LCN2: variants seen among roughly 807,000 people sequenced by gnomAD.
LCN2 encodes the protein lipocalin 2, also known as neutrophil gelatinase-associated lipocalin.
LCN2 carries 27 observed loss-of-function variants against 26.4 expected under a neutral mutation model. That is an observed-to-expected ratio of 1.02 (90% CI 0.76 to 1.41). The LOEUF is 1.41. LCN2 is among the 40% of genes most tolerant of loss of function. The pLI is 0.00. For synonymous variants in LCN2, 94 were observed against 98.9 expected (o/e 0.95, Z 0.30); for missense variants, 224 against 237.6 (o/e 0.94, Z 0.38).
chr9:128,150,890 G>C (rs1303954303), intron 2 of LCN2, among the ~76,000 whole-genome samples: 1 of 152,260 alleles, frequency 6.6e-6, no homozygotes, highest in African/African-American at 2.4e-5. Context: ...ATCTGCTGCG[G>C]AGTGGCTTAG....
At chr9:128,152,981 T>C in intron 5 of LCN2, 119 bp from the exon 6 acceptor site, 1 of 1,420,250 alleles carries the variant, frequency 7.0e-7, no homozygotes. Context: ...CTGGGCCAGG[T>C]GGGGCAGGGG....
At chr9:128,150,941 G>T (rs1438847992) in intron 2 of LCN2, among the ~76,000 whole-genome samples, 5 of 152,326 alleles carry the variant, frequency 3.3e-5, no homozygotes, top group Admixed American at 2.6e-4. Flanking sequence ...ACTTGGTGGG[G>T]TGCAGCCTAG....
chr9:128,150,210 G>C, intron 1 of LCN2, 28 bp from the exon 2 acceptor site: 2 of 1,603,980 alleles, frequency 1.2e-6, no homozygotes, highest in Non-Finnish European at 1.7e-6. Flanking sequence ...GCCATTCCTG[G>C]GTTGTGCCTC....
Position 128,153,208 on chromosome 9 carries a change from CA to C in LCN2, c.*7+83del. On this transcript the variant is annotated intron_variant, in intron 6 of 6. Coordinates refer to ENST00000277480, the MANE Select transcript of LCN2 (RefSeq NM_005564.5). The surrounding 1 kb of genome is among the most constrained non-coding windows in gnomAD (Gnocchi z 5.4). ...TGGGGGTCTTGGGCCTGCCTTTGCT[CA>C]TCCCCCTGCCCCCCAGCACTGCTGC... 1 of 1,520,908 alleles carries C rather than the reference CA, an allele frequency of 6.6e-7. No individual in the cohort carries two copies. Among genetic ancestry groups the C allele is most frequent in the Non-Finnish European group, 9.1e-7 (1 of 1,098,252 alleles). 94.2% of individuals were successfully genotyped at this position (1,520,908 alleles called of 1,614,324 possible). A position where few individuals can be genotyped will look rare whatever the true frequency, so the allele number is the denominator to read the frequency against.
At chr9:128,152,596 C>T (rs1829145779) in intron 5 of LCN2, among the ~76,000 whole-genome samples, 1 of 152,192 alleles carries the variant, frequency 6.6e-6, no homozygotes, top group South Asian at 2.1e-4. Flanking sequence ...ACACCTCTGG[C>T]CACCCTCCCA....
chr9:128,153,028 G>A lies in LCN2; in HGVS notation c.578-72G>A. 1 of 1,608,942 alleles carries A rather than the reference G, an allele frequency of 6.2e-7. No individual in the cohort carries two copies. ...CAGTGCAGAGGACCTGGCAGTCAGG[G>A]ATCACACACACACACTCATACACGC... On this transcript the variant is annotated intron_variant, in intron 5 of 6. Coordinates refer to ENST00000277480, the MANE Select transcript of LCN2 (RefSeq NM_005564.5). This position sits in a 1 kb window ranked among gnomAD's most constrained non-coding sequence, Gnocchi z 5.4.
rs1285899411 is a variant in LCN2, at chr9:128,152,426, G to A, written c.577+142G>A. ...TGGATGGTCCAGGAGCTCCTTGGAA[G>A]CCACTCTGGGCCCAGGAAGACTGTG... is the stretch of plus-strand genomic sequence containing the variant. On this transcript the variant is annotated intron_variant, in intron 5 of 6. Transcript: ENST00000277480. The A allele has an allele frequency of 1.2e-5, 8 of 694,014 alleles. No homozygotes were observed. In the Admixed American group the frequency reaches 1.3e-4, roughly 12 times the overall value. The allele number at this position is 694,014 out of a possible 1,614,324, so 43.0% of individuals were successfully genotyped here. A position where few individuals can be genotyped will look rare whatever the true frequency, so the allele number is the denominator to read the frequency against.
chr9:128,151,377 G>A (rs1004218358), intron 2 of LCN2: 6 of 577,246 alleles, frequency 1.0e-5, no homozygotes, highest in South Asian at 4.7e-5. Context: ...GAAGGACATC[G>A]GGTGCTGGAG....
intron 1 of LCN2, among the ~76,000 whole-genome samples, 161 bp from the exon 2 acceptor site, chr9:128,150,077 C>A (rs1476903934): frequency 3.9e-5 from 6 of 152,094 alleles, no homozygotes; most frequent in Non-Finnish European, 8.8e-5. Flanking sequence ...TGGCCTCCTG[C>A]TCCTGCCCCT....
At chr9:128,151,772 G>T in intron 3 of LCN2, 55 bp downstream of exon 3, 1 of 1,592,440 alleles carries the variant, frequency 6.3e-7, no homozygotes, top group South Asian at 1.1e-5. Flanking sequence ...GCTGGGTAGG[G>T]GCACAGACCT....
chr9:128,150,488 G>T lies in LCN2; in HGVS notation c.275+114G>T, dbSNP rs773232475. On this transcript the variant is annotated intron_variant, in intron 2 of 6. Coordinates refer to ENST00000277480, the MANE Select transcript of LCN2 (RefSeq NM_005564.5). ...TCGCTGTTCTGCCCGGAATTCATCTGTGTTCATCCTTCCTCTGTTCCTTAG... is the reference window on the plus strand; with the variant it reads ...TCGCTGTTCTGCCCGGAATTCATCTTTGTTCATCCTTCCTCTGTTCCTTAG... 7 of 1,360,906 alleles carry T rather than the reference G, an allele frequency of 5.1e-6. No homozygotes were observed. The Admixed American group carries it at 1.2e-4, about 23-fold the overall frequency. 84.3% of individuals were successfully genotyped at this position (1,360,906 alleles called of 1,614,324 possible).
In LCN2 at chr9:128,153,096, A is replaced by G; in HGVS notation, c.578-4A>G. On this transcript the variant is annotated splice_polypyrimidine_tract_variant and splice_region_variant and intron_variant, in intron 5 of 6. Transcript: ENST00000277480. This position sits in a 1 kb window ranked among gnomAD's most constrained non-coding sequence, Gnocchi z 5.4. ...CCTGTTCTGACGGACTTTCTCCCTA[A>G]CAGACCAGTGTATCGACGGCTGAGT... 2 of 1,614,074 alleles carry G rather than the reference A, an allele frequency of 1.2e-6. No individual in the cohort carries two copies. The highest frequency in any genetic ancestry group is 1.1e-5 in the South Asian group (1 of 91,086).
chr9:128,151,313 G>C, intron 2 of LCN2: 1 of 562,960 alleles, frequency 1.8e-6, no homozygotes, highest in Non-Finnish European at 3.3e-6. Flanking sequence ...CAGGGTTTCT[G>C]TGTGTTGGGT....
At position 128,150,579 on chromosome 9, in the gene LCN2, G is replaced by T. The variant is rs778730066; in HGVS notation, c.275+205G>T. 4 of 728,844 alleles carry T rather than the reference G, an allele frequency of 5.5e-6. No individual in the cohort carries two copies. In the African/African-American group the frequency reaches 6.9e-5, roughly 13 times the overall value. 45.1% of individuals were successfully genotyped at this position (728,844 alleles called of 1,614,324 possible). A position where few individuals can be genotyped will look rare whatever the true frequency, so the allele number is the denominator to read the frequency against. Reference sequence around the variant, plus strand: ...GTGGTGGGGATGGACATGCACAGTCGTTAGAAAACAAGACGGAGAGAGGAG... The same window carrying T: ...GTGGTGGGGATGGACATGCACAGTCTTTAGAAAACAAGACGGAGAGAGGAG... On this transcript the variant is annotated intron_variant, in intron 2 of 6. Transcript: ENST00000277480.
rs1834982503 is a variant in LCN2 at position 128,149,466 on chromosome 9, T to A, written c.-60T>A. The A allele has an allele frequency of 6.7e-7, 1 of 1,493,494 alleles. No individual in the cohort carries two copies. Among genetic ancestry groups the A allele is most frequent in the Non-Finnish European group, 8.9e-7 (1 of 1,122,464 alleles). 92.5% of individuals were successfully genotyped at this position (1,493,494 alleles called of 1,614,324 possible). ...GGTGAGCCTCTCACTCGCCACCTCC[T>A]CTTCCACCCCTGCCAGGCCCAGCAG... is the stretch of plus-strand genomic sequence containing the variant. On this transcript the variant is annotated 5_prime_UTR_variant, in exon 1 of 7. Coordinates refer to ENST00000277480, the MANE Select transcript of LCN2 (RefSeq NM_005564.5).
intron 5 of LCN2, 106 bp downstream of exon 5, chr9:128,152,390 C>T: frequency 1.0e-6 from 1 of 983,954 alleles, no homozygotes; most frequent in South Asian, 1.4e-5. Context: ...CAGCTTCAGT[C>T]ACTGGAGCAG....
Position 128,150,378 on chromosome 9 carries a change from AG to A in LCN2, c.275+7del. On this transcript the variant is annotated splice_donor_5th_base_variant and intron_variant, in intron 2 of 6. Transcript: ENST00000277480. ...ATGTCACCTCCGTCCTGTTTAGGTG[AG>A]GGCCGACATCTCCTGGGGGTGTGAG... is the stretch of plus-strand genomic sequence containing the variant. The A allele has an allele frequency of 6.2e-7, 1 of 1,614,178 alleles. No individual in the cohort carries two copies. Among genetic ancestry groups the A allele is most frequent in the Non-Finnish European group, 8.5e-7 (1 of 1,180,022 alleles).
In LCN2 at chr9:128,152,222, T is replaced by G. The variant is rs770603719; in HGVS notation, c.515T>G (p.Phe172Cys). 1.9e-6 allele frequency: 3 copies of G among 1,614,114 alleles called. No individual in the cohort carries two copies. The South Asian group carries it at 3.3e-5, about 18-fold the overall frequency. ...CTGACTTCGGAACTAAAGGAGAACT[T>G]CATCCGCTTCTCCAAATCTCTGGGC... ...KELTSELKEN[F>C]IRFSKSLGLP... Residue 172 changes from phenylalanine to cysteine, a missense_variant, in exon 5 of 7, where the codon TTC becomes TGC. By Grantham distance (205) the Phe-to-Cys change is radical. Coordinates refer to ENST00000277480, the MANE Select transcript of LCN2 (RefSeq NM_005564.5).
chr9:128,151,659 G>A lies in LCN2; in HGVS notation c.297G>A (p.Trp99Ter). ...VLFRKKKCDY[W>*]IRTFVPGCQP... Reference sequence around the variant, plus strand: ...CAAGGAAAAAGAAGTGTGACTACTGGATCAGGACTTTTGTTCCAGGTTGCC... The same window carrying A: ...CAAGGAAAAAGAAGTGTGACTACTGAATCAGGACTTTTGTTCCAGGTTGCC... The change falls in exon 3 of 7, where the codon TGG (tryptophan) becomes TGA (stop). Residue 99 changes from tryptophan (W) to a stop codon, truncating the protein, a stop_gained. Transcript: ENST00000277480. LOFTEE classifies it high-confidence loss of function. 6.2e-7 allele frequency: 1 copy of A among 1,614,086 alleles called. No individual in the cohort carries two copies. The highest frequency in any genetic ancestry group is 1.1e-5 in the South Asian group (1 of 91,084).
Sources: allele counts gnomAD v4.1 joint callset (sites outside exome capture counted in the v4.1 genomes callset), GRCh38; gene constraint gnomAD v4.1.1; non-coding constraint Gnocchi (gnomAD v3.1); transcripts MANE v1.5; gene names NCBI Gene and HGNC (gene_info 2026-07-23, HGNC 2026-07-21).